The following GSE1 variants were observed in gnomAD, a reference collection of about 807,000 sequenced individuals.
GSE1 encodes the protein genetic suppressor element 1.
Under a neutral mutation model 112.6 loss-of-function variants are expected in GSE1, and 32 were observed. That is an observed-to-expected ratio of 0.28 (90% confidence interval 0.21 to 0.38). The LOEUF (loss-of-function observed/expected upper bound fraction) is 0.38. Ranked by LOEUF, GSE1 falls within the 10% of genes least tolerant of loss-of-function variation. The pLI is 1.00. For missense variants in GSE1, 2,348 were observed against 1,699.2 expected (o/e 1.38, Z -6.71); for synonymous variants, 1,115 against 735.6 (o/e 1.52, Z -8.35).
At chr16:85,545,196 C>T (rs1187014812) in intron 2 of GSE1, among the ~76,000 whole-genome samples, 1 of 152,226 alleles carries the variant, frequency 6.6e-6, no homozygotes, top group East Asian at 1.9e-4. Flanking sequence ...GTGGCCTGGG[C>T]AGTCCCCAAC....
rs894693741 is a variant in GSE1 at position 85,170,942 on chromosome 16, C to T, written c.1418C>T (p.Pro473Leu). The T allele has an allele frequency of 5.1e-6, 5 of 985,520 alleles. No homozygotes were observed. The East Asian group carries it at 5.7e-4, about 112-fold the overall frequency. 61.0% of individuals were successfully genotyped at this position (985,520 alleles called of 1,614,324 possible). Residue 473 changes from proline to leucine, a missense_variant, in exon 1 of 3, where the codon CCC (proline) becomes CTC (leucine). Physicochemically the swap from Pro to Leu is moderately conservative, Grantham distance 98. Coordinates refer to the GSE1 transcript ENST00000637419. ...AGGCTCCCGAGGGAAGAGGGCCTGC[C>T]CTCCGGGGCCCTGCGAGAGGCCTGC...
At chr16:85,232,829 G>C (rs1904301875) in intron 1 of GSE1, among the ~76,000 whole-genome samples, 1 of 152,254 alleles carries the variant, frequency 6.6e-6, no homozygotes, top group Non-Finnish European at 1.5e-5. Context: ...TGCATTTTCA[G>C]GATCTCAACC....
intron 1 of GSE1, among the ~76,000 whole-genome samples, chr16:85,250,367 A>G (rs1241047271): frequency 2.6e-5 from 4 of 152,042 alleles, no homozygotes; most frequent in African/African-American, 9.7e-5. Flanking sequence ...CAGTTTACAA[A>G]CAGAGCAGCT....
At chr16:85,171,405 C>A in exon 1 of GSE1, 1 of 985,624 alleles carries the variant, frequency 1.0e-6, no homozygotes, top group Non-Finnish European at 1.2e-6. Flanking sequence ...CCTTCCTCAC[C>A]GTGTACCCGC....
chr16:85,315,473 C>T (rs2045966649), intron 1 of GSE1, among the ~76,000 whole-genome samples: 1 of 152,226 alleles, frequency 6.6e-6, no homozygotes, highest in African/African-American at 2.4e-5. Context: ...GTGCTGAGTG[C>T]CTGGGAGCGG....
rs555100122 is a variant in GSE1 at position 85,281,234 on chromosome 16, G to C, written c.2284-76229G>C. Among the ~76,000 whole-genome samples, 55 of 152,216 alleles carry C rather than the reference G, an allele frequency of 3.6e-4. 1 individual carries two copies. The highest frequency in any genetic ancestry group is 1.3e-3 in the African/African-American group (52 of 41,538). ...CATCCGAGGCCTGCAGAAGCCCTGT[G>C]GCTTGTCCCAGGTCCCAATTAGCTG... On this transcript the variant is annotated intron_variant, in intron 1 of 2. Transcript: ENST00000637419.
intron 1 of GSE1, among the ~76,000 whole-genome samples, chr16:85,561,560 C>T (rs887742083): frequency 3.9e-5 from 6 of 152,226 alleles, no homozygotes; most frequent in Non-Finnish European, 7.3e-5. Flanking sequence ...GAAAGGCTGC[C>T]CTCGGCCCTC....
chr16:85,544,282 G>A (rs2044622695), intron 2 of GSE1, among the ~76,000 whole-genome samples: 1 of 152,202 alleles, frequency 6.6e-6, no homozygotes, highest in Non-Finnish European at 1.5e-5. Flanking sequence ...TGCCGAGGCT[G>A]AGAAACCTTG....
rs2052285254 is a variant in GSE1 at position 85,524,144 on chromosome 16, A to C, written c.2465-109770A>C. Among the ~76,000 whole-genome samples, 4 of 152,062 alleles carry C rather than the reference A, an allele frequency of 2.6e-5. No homozygotes were observed. In the South Asian group the frequency reaches 8.3e-4, roughly 32 times the overall value. ...TGGGGTGCAGGGGACCTACACGTTC[A>C]AACCTCCCCGTCTGATTCCTGTGGC... On this transcript the variant is annotated intron_variant, in intron 2 of 2. Coordinates refer to the GSE1 transcript ENST00000637419.
intron 1 of GSE1, among the ~76,000 whole-genome samples, chr16:85,246,441 A>ACACACACCCCACACGCTG (rs1567636284): frequency 3.4e-5 from 2 of 57,972 alleles, no homozygotes; most frequent in Non-Finnish European, 6.6e-5. Context: ...CTCTACACAC[A>ACACACACCCCACACGCTG]CACACACACA....
intron 2 of GSE1, among the ~76,000 whole-genome samples, chr16:85,512,694 G>T (rs546317310): frequency 1.6e-4 from 24 of 152,096 alleles, no homozygotes; most frequent in Non-Finnish European, 2.8e-4. Flanking sequence ...CACACCACAC[G>T]CATTAGAGTC....
intron 1 of GSE1, among the ~76,000 whole-genome samples, chr16:85,207,387 A>G (rs546544147): frequency 1.3e-5 from 2 of 152,212 alleles, no homozygotes; most frequent in Admixed American, 6.5e-5. Context: ...CCATCACTCA[A>G]TCACCCAGCA....
chr16:85,194,650 GTTAGA>G (rs2074893194), intron 1 of GSE1, among the ~76,000 whole-genome samples: 1 of 152,070 alleles, frequency 6.6e-6, no homozygotes, highest in African/African-American at 2.4e-5. Flanking sequence ...TTGGGAAACA[GTTAGA>G]TTAAAGACAG....
intron 3 of GSE1, among the ~76,000 whole-genome samples, chr16:85,650,282 C>G (rs1416508020): frequency 1.3e-5 from 2 of 151,876 alleles, no homozygotes; most frequent in African/African-American, 4.8e-5. Flanking sequence ...AGAGGCCGCC[C>G]CCCAGGGCCA....
At chr16:85,652,554 C>T (rs1020149250) in intron 3 of GSE1, among the ~76,000 whole-genome samples, 2 of 152,032 alleles carry the variant, frequency 1.3e-5, no homozygotes, top group East Asian at 1.9e-4. Context: ...CAGGCGGCGG[C>T]GGCGGCGGCG....
At chr16:85,208,755 C>T (rs118093614) in intron 1 of GSE1, among the ~76,000 whole-genome samples, 13,085 of 112,174 alleles carry the variant, frequency 0.12, 769 homozygotes, top group Middle Eastern at 0.16. Flanking sequence ...TCTAGATTAG[C>T]GGATGGGGGT....
intron 1 of GSE1, among the ~76,000 whole-genome samples, chr16:85,187,244 G>A (rs1438648041): frequency 6.6e-6 from 1 of 152,238 alleles, no homozygotes; most frequent in Non-Finnish European, 1.5e-5. Flanking sequence ...CAGCTCCAGG[G>A]CCTTAATCAG....
chr16:85,303,169 C>G (rs2045573064), intron 1 of GSE1, among the ~76,000 whole-genome samples: 1 of 152,232 alleles, frequency 6.6e-6, no homozygotes, highest in Non-Finnish European at 1.5e-5. Context: ...AGTGGGGTGC[C>G]CGGCATTGAG....
intron 2 of GSE1, among the ~76,000 whole-genome samples, chr16:85,385,511 G>A (rs2047668541): frequency 6.6e-6 from 1 of 152,166 alleles, no homozygotes. Flanking sequence ...CGGGGGCCCT[G>A]GGGAGCAGGG....
Sources: gnomAD v4.1 joint callset for allele counts (sites outside exome capture counted in the v4.1 genomes callset) on GRCh38, gnomAD v4.1.1 for gene constraint, MANE v1.5 for transcripts, NCBI Gene and HGNC (gene_info 2026-07-23, HGNC 2026-07-21) for gene names.